Variants in REEP1 observed in about 807,000 individuals in gnomAD.
REEP1 encodes receptor accessory protein 1, also known as receptor expression-enhancing protein 1.
A neutral mutation model predicts 40.3 loss-of-function variants in REEP1; 22 were observed. The ratio of observed to expected loss-of-function variants is 0.55; its 90% CI spans 0.39 to 0.78. REEP1 has a LOEUF of 0.78. REEP1 is among the 30% of genes least tolerant of loss of function. REEP1 has a pLI of 0.00. For synonymous variants in REEP1, 116 were observed against 139.2 expected, an observed-to-expected ratio of 0.83 and a Z score of 1.17; for missense variants, 280 against 361.1, an observed-to-expected ratio of 0.78 and a Z score of 1.82.
At chr2:86,272,034 C>T (rs1303702925) in intron 2 of REEP1, among the ~76,000 whole-genome samples, 2 of 152,118 alleles carry the variant, frequency 1.3e-5, no homozygotes, top group Non-Finnish European at 2.9e-5. Flanking sequence ...ACTAGCCTGA[C>T]CAACATGGTG....
chr2:86,274,154 C>T (rs1416489453), intron 2 of REEP1, among the ~76,000 whole-genome samples: 3 of 152,182 alleles, frequency 2.0e-5, no homozygotes, highest in African/African-American at 7.2e-5. Flanking sequence ...TTGATGACTG[C>T]ATAAACATAG....
intron 1 of REEP1, among the ~76,000 whole-genome samples, chr2:86,330,565 C>G (rs888692104): frequency 6.6e-6 from 1 of 151,986 alleles, no homozygotes; most frequent in East Asian, 1.9e-4. Context: ...CCACCTCATC[C>G]TCCAAGTAGC....
chr2:86,322,545 A>G (rs1201577087), intron 1 of REEP1, among the ~76,000 whole-genome samples: 5 of 152,050 alleles, frequency 3.3e-5, no homozygotes, highest in Non-Finnish European at 5.9e-5. Flanking sequence ...TCCTGGGTGC[A>G]AGAGATTCTC....
intron 1 of REEP1, among the ~76,000 whole-genome samples, chr2:86,304,568 C>T (rs748112200): frequency 2.6e-5 from 4 of 152,188 alleles, no homozygotes; most frequent in African/African-American, 7.2e-5. Context: ...CTCCCAAAGC[C>T]GCTATCATTG....
intron 5 of REEP1, among the ~76,000 whole-genome samples, chr2:86,249,452 A>G (rs1243928806): frequency 6.6e-6 from 1 of 152,142 alleles, no homozygotes; most frequent in Non-Finnish European, 1.5e-5. Context: ...TACTGAAATT[A>G]ACTGCTTTAA....
chr2:86,228,399 G>A lies in REEP1; in HGVS notation c.596-1001C>T, dbSNP rs1674832709. Among the ~76,000 whole-genome samples the A allele has an allele frequency of 2.6e-5, 4 of 151,528 alleles. No individual in the cohort carries two copies. The South Asian group carries it at 8.4e-4, about 32-fold the overall frequency. The stretch of plus-strand genomic sequence containing the variant: ...TTCTCAAGATGCAGGAGGTCACATG[G>A]ATGTCCCTTCTTGGCTCACAGCAAA... On this transcript the variant is annotated intron_variant, in intron 6 of 8. Coordinates refer to ENST00000538924, the MANE Select transcript of REEP1 (RefSeq NM_001371279.1).
chr2:86,282,102 C>G, intron 2 of REEP1, 68 bp downstream of exon 2: 2 of 1,071,936 alleles, frequency 1.9e-6, no homozygotes. Context: ...AGGGCATCCC[C>G]TTCTCCCAAC....
At chr2:86,309,956 A>T (rs1032482432) in intron 1 of REEP1, among the ~76,000 whole-genome samples, 9 of 152,296 alleles carry the variant, frequency 5.9e-5, no homozygotes, top group Non-Finnish European at 1.3e-4. Context: ...TGATCCAACC[A>T]GCCATAGCCA....
At chr2:86,254,634 T>G in intron 4 of REEP1, 60 bp downstream of exon 4, 4 of 1,565,036 alleles carry the variant, frequency 2.6e-6, no homozygotes, top group Non-Finnish European at 3.5e-6. Flanking sequence ...CATCCCTTTT[T>G]ATTTATTACT....
chr2:86,329,309 G>C (rs936687339), intron 1 of REEP1, among the ~76,000 whole-genome samples: 2 of 152,172 alleles, frequency 1.3e-5, no homozygotes, highest in Non-Finnish European at 2.9e-5. Context: ...AGGGATAACT[G>C]TTCTCATTTA....
intron 3 of REEP1, among the ~76,000 whole-genome samples, chr2:86,256,393 T>C (rs1676566406): frequency 6.7e-6 from 1 of 149,048 alleles, no homozygotes; most frequent in Non-Finnish European, 1.5e-5. Flanking sequence ...ACACCTTTCA[T>C]ATGCAAACCA....
intron 1 of REEP1, among the ~76,000 whole-genome samples, chr2:86,324,842 T>G (rs1680429990): frequency 6.6e-6 from 1 of 152,202 alleles, no homozygotes; most frequent in Non-Finnish European, 1.5e-5. Context: ...GCGCTCTTTC[T>G]GAGAGAGTGC....
rs561695778 is a variant in REEP1 at position 86,272,677 on chromosome 2, A to G, written c.106-8636T>C. ...AGTTCTGTCACTTCCACCCTCTTGT[A>G]TTTTTCTTGAACCTGTCTTATTTTC... On this transcript the variant is annotated intron_variant, in intron 2 of 8. Coordinates refer to ENST00000538924, the MANE Select transcript of REEP1 (RefSeq NM_001371279.1). 2.0e-5 allele frequency among the ~76,000 whole-genome samples: 3 copies of G among 152,076 alleles called. No individual in the cohort carries two copies. The South Asian group carries it at 6.3e-4, about 32-fold the overall frequency.
intron 1 of REEP1, among the ~76,000 whole-genome samples, chr2:86,325,573 G>A (rs1183496717): frequency 6.6e-6 from 1 of 152,200 alleles, no homozygotes; most frequent in African/African-American, 2.4e-5. Flanking sequence ...AATCACAAGT[G>A]TCCTAAGAGG....
intron 1 of REEP1, among the ~76,000 whole-genome samples, chr2:86,323,315 A>T (rs888661692): frequency 6.6e-6 from 1 of 152,254 alleles, no homozygotes; most frequent in African/African-American, 2.4e-5. Flanking sequence ...TGTAACACAT[A>T]ACTCTAAGCT....
At chr2:86,311,421 T>A (rs1196078870) in intron 1 of REEP1, among the ~76,000 whole-genome samples, 2 of 152,132 alleles carry the variant, frequency 1.3e-5, no homozygotes, top group Non-Finnish European at 2.9e-5. Context: ...GTTTCTCTCA[T>A]CATTCTGCAG....
chr2:86,319,198 CCTCAGGTATT>C (rs753272172), intron 1 of REEP1, among the ~76,000 whole-genome samples: 48 of 152,162 alleles, frequency 3.2e-4, no homozygotes, highest in Non-Finnish European at 6.2e-4. Context: ...TGGGCCCTAA[CCTCAGGTATT>C]CTCATTCAGT....
At chr2:86,250,147 G>A (rs1026365482) in intron 5 of REEP1, among the ~76,000 whole-genome samples, 35 of 152,208 alleles carry the variant, frequency 2.3e-4, no homozygotes, top group African/African-American at 8.2e-4. Context: ...GACTCTGGAG[G>A]CTCCATCTTG....
At chr2:86,220,361 C>T (rs2002250) in intron 7 of REEP1, among the ~76,000 whole-genome samples, 54,137 of 152,044 alleles carry the variant, frequency 0.36, 11,240 homozygotes, top group Non-Finnish European at 0.47. Flanking sequence ...CAACCACAGA[C>T]TCAGAATCTA....
Sources: allele counts gnomAD v4.1 joint callset (sites outside exome capture counted in the v4.1 genomes callset), GRCh38; gene constraint gnomAD v4.1.1; transcripts MANE v1.5; gene names NCBI Gene and HGNC (gene_info 2026-07-23, HGNC 2026-07-21).